The following CBFA2T3 variants were observed in gnomAD, a reference collection of about 807,000 sequenced individuals.
CBFA2T3 encodes the protein CBFA2/RUNX1 partner transcriptional co-repressor 3.
A neutral mutation model predicts 58.6 loss-of-function variants in CBFA2T3; 31 were observed. That is an observed-to-expected ratio of 0.53 (90% confidence interval 0.40 to 0.71). The LOEUF is 0.71. Among genes scored for constraint, CBFA2T3 ranks in the 30% least tolerant of loss-of-function variants. The pLI, the probability that CBFA2T3 is intolerant of heterozygous loss-of-function variation, is 0.00. For synonymous variants in CBFA2T3, 531 were observed against 421.9 expected, an observed-to-expected ratio of 1.26 and a Z score of -3.17; for missense variants, 1,076 against 963.1, an observed-to-expected ratio of 1.12 and a Z score of -1.55.
intron 1 of CBFA2T3, among the ~76,000 whole-genome samples, chr16:88,956,087 C>T (rs2142852521): frequency 6.6e-6 from 1 of 152,402 alleles, no homozygotes. Flanking sequence ...TGCCGAGTTC[C>T]TGCTCCCTGA....
chr16:88,903,692 G>C (rs1269140744), intron 1 of CBFA2T3, among the ~76,000 whole-genome samples: 3 of 64,798 alleles, frequency 4.6e-5, no homozygotes, highest in Admixed American at 4.0e-4. Context: ...GGGCATTCCT[G>C]GGGGGGGCGT....
chr16:88,891,485 T>C (rs940121669), intron 5 of CBFA2T3, among the ~76,000 whole-genome samples: 3 of 152,210 alleles, frequency 2.0e-5, no homozygotes, highest in Non-Finnish European at 2.9e-5. Flanking sequence ...CTGCATGTCC[T>C]GGGCCCTATC....
At chr16:88,961,611 A>C (rs112574916) in intron 1 of CBFA2T3, among the ~76,000 whole-genome samples, 134 of 76,422 alleles carry the variant, frequency 1.8e-3, no homozygotes, top group Non-Finnish European at 2.2e-3. Context: ...AGTAACCGAC[A>C]CTCAGCACTG....
chr16:88,923,882 C>T (rs1597732766), intron 1 of CBFA2T3, among the ~76,000 whole-genome samples: 1 of 152,306 alleles, frequency 6.6e-6, no homozygotes, highest in Non-Finnish European at 1.5e-5. Flanking sequence ...GGAGCCCAGT[C>T]AAAGGTGAGA....
chr16:88,892,586 A>T (rs1969687511), intron 3 of CBFA2T3, 101 bp from the exon 4 acceptor site: 2 of 1,324,710 alleles, frequency 1.5e-6, no homozygotes, highest in African/African-American at 2.9e-5. Context: ...TGACAATGTC[A>T]AAAGTGACGG....
chr16:88,953,928 T>C lies in CBFA2T3; in HGVS notation c.151+22729A>G, dbSNP rs36107538. On this transcript the variant is annotated intron_variant, in intron 1 of 11. Transcript: ENST00000268679. This position sits in a 1 kb window ranked among gnomAD's most constrained non-coding sequence, Gnocchi z 4.9. ...AGAGATGCCCACAGAGCAGGTGGGC[T>C]GTGCTCCTGCCCTGGGCAAATGAGG... Among the ~76,000 whole-genome samples the C allele has an allele frequency of 4.0e-3, 608 of 152,210 alleles. 2 individuals are homozygous for C. Among genetic ancestry groups the C allele is most frequent in the Non-Finnish European group, 5.9e-3 (403 of 67,990 alleles).
chr16:88,961,851 C>A (rs1477151195), intron 1 of CBFA2T3, among the ~76,000 whole-genome samples: 1 of 145,116 alleles, frequency 6.9e-6, no homozygotes. Flanking sequence ...CTGGACATTC[C>A]CACTGCATAG....
intron 1 of CBFA2T3, among the ~76,000 whole-genome samples, chr16:88,965,889 G>A (rs1020361311): frequency 2.6e-5 from 4 of 152,176 alleles, no homozygotes; most frequent in African/African-American, 9.7e-5. Flanking sequence ...CAGAACCACC[G>A]GCTTTGAGAA....
Position 88,901,585 on chromosome 16 carries a change from A to C in CBFA2T3, c.223T>G (p.Ser75Ala), listed in dbSNP as rs751237671. 3.3e-6 allele frequency: 5 copies of C among 1,512,070 alleles called. No homozygotes were observed. The highest frequency in any genetic ancestry group is 4.4e-6 in the Non-Finnish European group (5 of 1,142,818). The allele number at this position is 1,512,070 out of a possible 1,614,324, so 93.7% of individuals were successfully genotyped here. A position where few individuals can be genotyped will look rare whatever the true frequency, so the allele number is the denominator to read the frequency against. ...SPAEVKTQPR[S>A]TPPSMPPPPP... ...GGGGGCGGCATGCTGGGGGGTGTGG[A>C]CCGGGGCTGCGTCTTCACCTCCGCT... The change falls in exon 2 of 12, where the codon TCC (serine) becomes GCC (alanine). Residue 75 changes from serine to alanine, a missense_variant. By Grantham distance (99) the Ser-to-Ala change is moderately conservative. Coordinates refer to ENST00000268679, the MANE Select transcript of CBFA2T3 (RefSeq NM_005187.6).
At chr16:88,975,547 C>T (rs1304677648) in intron 1 of CBFA2T3, among the ~76,000 whole-genome samples, 3 of 152,260 alleles carry the variant, frequency 2.0e-5, no homozygotes, top group Non-Finnish European at 4.4e-5. Flanking sequence ...CAGGGCCGCT[C>T]CAGAGAGGAC....
At chr16:88,925,672 G>A (rs1230446371) in intron 1 of CBFA2T3, among the ~76,000 whole-genome samples, 4 of 152,222 alleles carry the variant, frequency 2.6e-5, no homozygotes, top group Non-Finnish European at 5.9e-5. Context: ...GGTAACCGGA[G>A]GCTTCTAGTT....
Position 88,877,291 on chromosome 16 carries a change from G to C in CBFA2T3, c.1663-16C>G. On this transcript the variant is annotated splice_polypyrimidine_tract_variant and intron_variant, in intron 11 of 11. Transcript: ENST00000268679. The stretch of plus-strand genomic sequence containing the variant: ...TCCAGCAGCTCTGGGTGGGGGCAGA[G>C]GGGCCAGTCAGGGCTGGGTCTGGCC... 2 of 1,536,944 alleles carry C rather than the reference G, an allele frequency of 1.3e-6. No individual in the cohort carries two copies. The highest frequency in any genetic ancestry group is 1.8e-6 in the Non-Finnish European group (2 of 1,140,602).
intron 8 of CBFA2T3, among the ~76,000 whole-genome samples, chr16:88,881,803 C>T (rs967216625): frequency 6.6e-6 from 1 of 152,238 alleles, no homozygotes; most frequent in South Asian, 2.1e-4. Context: ...CTGGGCTCCC[C>T]TTCCAAAAAG....
intron 1 of CBFA2T3, among the ~76,000 whole-genome samples, chr16:88,903,618 T>C (rs1358783670): frequency 1.6e-5 from 2 of 128,582 alleles, no homozygotes; most frequent in East Asian, 2.5e-4. Flanking sequence ...CCAAAGAAGG[T>C]GAATGTGGCA....
chr16:88,936,483 A>G (rs1030960381), intron 1 of CBFA2T3, among the ~76,000 whole-genome samples: 1 of 151,638 alleles, frequency 6.6e-6, no homozygotes, highest in Non-Finnish European at 1.5e-5. Flanking sequence ...CCGAGTATCC[A>G]CCACGACCCC....
chr16:88,966,113 T>C (rs573721888), intron 1 of CBFA2T3, among the ~76,000 whole-genome samples: 11 of 152,228 alleles, frequency 7.2e-5, no homozygotes, highest in Non-Finnish European at 1.6e-4. Context: ...GGGGCCCCTC[T>C]GGACGGAGTG....
At chr16:88,919,918 C>T (rs936745930) in intron 1 of CBFA2T3, among the ~76,000 whole-genome samples, 1 of 152,232 alleles carries the variant, frequency 6.6e-6, no homozygotes, top group Non-Finnish European at 1.5e-5. Flanking sequence ...GGAGAGTTAC[C>T]TTGGGAAGCA....
chr16:88,903,108 C>CCGGGGCCCCAGCA (rs1383657953), intron 1 of CBFA2T3, among the ~76,000 whole-genome samples: 2 of 152,214 alleles, frequency 1.3e-5, no homozygotes, highest in African/African-American at 2.4e-5. Flanking sequence ...TTCCCCATTC[C>CCGGGGCCCCAGCA]CGGGGCCCCA....
intron 5 of CBFA2T3, among the ~76,000 whole-genome samples, chr16:88,889,316 A>C (rs572081115): frequency 8.1e-6 from 1 of 123,340 alleles, no homozygotes; most frequent in Middle Eastern, 3.9e-3. Context: ...TAGAGGAGGG[A>C]GGGCAGGAGG....
Sources: gnomAD v4.1 joint callset for allele counts (sites outside exome capture counted in the v4.1 genomes callset) on GRCh38, gnomAD v4.1.1 for gene constraint, Gnocchi (gnomAD v3.1) non-coding constraint, MANE v1.5 for transcripts, NCBI Gene and HGNC (gene_info 2026-07-23, HGNC 2026-07-21) for gene names.